Variants in KMT2C observed in about 807,000 individuals in gnomAD.
The protein encoded by KMT2C is histone-lysine N-methyltransferase 2C.
In KMT2C, 88 loss-of-function variants were observed where a neutral mutation model predicts 507.9. The observed-to-expected ratio is 0.17, with a 90% CI of 0.15 to 0.21. The LOEUF is 0.21. Among genes scored for constraint, KMT2C ranks in the 10% least tolerant of loss-of-function variants. The probability of loss-of-function intolerance (pLI) is 1.00; values close to 1 mark genes in which losing one functional copy is unlikely to be tolerated. For missense variants in KMT2C, 4,954 were observed against 5,957.8 expected (o/e 0.83, Z 5.55); for synonymous variants, 2,049 against 2,080.8 (o/e 0.98, Z 0.42).
rs752439124 is a variant in KMT2C at position 152,225,067 on chromosome 7, T to G, written c.2977-451A>C. ...AGTTCTTAGGGACATTTTATGATCTTAGAGGATTTCTATTTAGACTATGAA... is the reference window on the plus strand; with the variant it reads ...AGTTCTTAGGGACATTTTATGATCTGAGAGGATTTCTATTTAGACTATGAA... On this transcript the variant is annotated intron_variant, in intron 18 of 58. Coordinates refer to ENST00000262189, the MANE Select transcript of KMT2C (RefSeq NM_170606.3). Among the ~76,000 whole-genome samples, 227 of 152,210 alleles carry G rather than the reference T, an allele frequency of 1.5e-3. 1 individual carries two copies. The highest frequency in any genetic ancestry group is 2.9e-3 in the Non-Finnish European group (194 of 68,034).
At chr7:152,205,033 T>C (rs2129137121) in intron 25 of KMT2C, 73 bp downstream of exon 25, 1 of 950,156 alleles carries the variant, frequency 1.1e-6, no homozygotes, top group Non-Finnish European at 1.6e-6. Context: ...TTTAGGATAG[T>C]TTTTTCCAAT....
intron 23 of KMT2C, among the ~76,000 whole-genome samples, chr7:152,215,539 A>AAG (rs2094554581): frequency 6.7e-6 from 1 of 148,982 alleles, no homozygotes; most frequent in Admixed American, 6.7e-5. Flanking sequence ...AAAAAAAAAA[A>AAG]AGATTGAAAG....
At chr7:152,307,240 AGGAAGGAAGGAC>A (rs2096626129) in intron 6 of KMT2C, among the ~76,000 whole-genome samples, 1 of 127,682 alleles carries the variant, frequency 7.8e-6, no homozygotes, top group African/African-American at 3.8e-5. Context: ...GAAGGAAGGA[AGGAAGGAAGGAC>A]GGTAGGAAGG....
chr7:152,354,390 T>C (rs890313188), intron 2 of KMT2C, among the ~76,000 whole-genome samples: 4 of 152,220 alleles, frequency 2.6e-5, no homozygotes, highest in African/African-American at 4.8e-5. Context: ...ATTCCTCCTA[T>C]ATCCCTAGAA....
At chr7:152,250,040 A>G in intron 12 of KMT2C, 87 bp from the exon 13 acceptor site, 1 of 740,686 alleles carries the variant, frequency 1.4e-6, no homozygotes, top group Non-Finnish European at 2.4e-6. Context: ...AAAGAGTTTT[A>G]TTCTACTAAA....
chr7:152,377,381 C>T (rs115170425), intron 1 of KMT2C, among the ~76,000 whole-genome samples: 6 of 152,284 alleles, frequency 3.9e-5, no homozygotes, highest in Non-Finnish European at 7.4e-5. Flanking sequence ...CAGTACGATA[C>T]ATCTATCCTG....
intron 28 of KMT2C, chr7:152,195,653 T>C: frequency 3.3e-6 from 2 of 597,496 alleles, no homozygotes; most frequent in African/African-American, 2.0e-5. Context: ...AGAAAAAAGA[T>C]ACAGCAAGAC....
chr7:152,356,356 C>A (rs925567500), intron 2 of KMT2C, among the ~76,000 whole-genome samples: 2 of 151,942 alleles, frequency 1.3e-5, no homozygotes, highest in Non-Finnish European at 2.9e-5. Flanking sequence ...GGGCGGATCA[C>A]GTGAGATCAG....
At chr7:152,217,779 G>A (rs897173362) in intron 23 of KMT2C, among the ~76,000 whole-genome samples, 23 of 152,136 alleles carry the variant, frequency 1.5e-4, no homozygotes, top group African/African-American at 4.8e-4. Flanking sequence ...GTAGTCACAA[G>A]GAAAACCTTC....
At chr7:152,240,666 T>A (rs1400616175) in intron 14 of KMT2C, among the ~76,000 whole-genome samples, 1 of 152,280 alleles carries the variant, frequency 6.6e-6, no homozygotes, top group Non-Finnish European at 1.5e-5. Context: ...GTCTTCCCCA[T>A]CCTTATAAAT....
Position 152,156,039 on chromosome 7 carries a change from G to T in KMT2C, c.11831C>A (p.Pro3944His). 6.2e-7 allele frequency: 1 copy of T among 1,600,220 alleles called. No individual in the cohort carries two copies. The highest frequency in any genetic ancestry group is 8.5e-7 in the Non-Finnish European group (1 of 1,175,738). Reference sequence around the variant, plus strand: ...TCTGAAGGGCAGCTGAAATGGTTTAGGTCCTAGAGTTTTGGTAACTGGAAA... The same window carrying T: ...TCTGAAGGGCAGCTGAAATGGTTTATGTCCTAGAGTTTTGGTAACTGGAAA... ...VSHEVTKTLGPKPFQLPFRPQ... is the reference protein window; with the variant it reads ...VSHEVTKTLGHKPFQLPFRPQ... Residue 3944 changes from proline to histidine, a missense_variant, in exon 46 of 59, where the codon CCT (proline) becomes CAT (histidine). Pro to His is a moderately conservative substitution (Grantham distance 77). Around this residue, in one of 29 missense-constraint regions of KMT2C, gnomAD observed 104 missense variants for 134.3 expected, o/e 0.77. Transcript: ENST00000262189.
intron 3 of KMT2C, among the ~76,000 whole-genome samples, chr7:152,327,522 CCT>C (rs1275393188): frequency 6.6e-6 from 1 of 152,140 alleles, no homozygotes. Context: ...GCATTCTGTA[CCT>C]CTCAATACCA....
chr7:152,316,064 C>T (rs2096720046), intron 3 of KMT2C, among the ~76,000 whole-genome samples: 1 of 152,122 alleles, frequency 6.6e-6, no homozygotes, highest in African/African-American at 2.4e-5. Context: ...ATACCACACA[C>T]ATGCATACAC....
At chr7:152,307,951 CA>C (rs990317203) in intron 6 of KMT2C, among the ~76,000 whole-genome samples, 2 of 152,112 alleles carry the variant, frequency 1.3e-5, no homozygotes, top group African/African-American at 4.8e-5. Flanking sequence ...TTCACTGTCA[CA>C]AAATAGCCCA....
chr7:152,373,747 GAAAT>G (rs1298143269), intron 1 of KMT2C, among the ~76,000 whole-genome samples: 1 of 152,006 alleles, frequency 6.6e-6, no homozygotes, highest in Non-Finnish European at 1.5e-5. Context: ...GCATACAGTA[GAAAT>G]AATTATTCTA....
At chr7:152,172,611 G>A (rs2093016476) in intron 39 of KMT2C, among the ~76,000 whole-genome samples, 1 of 152,160 alleles carries the variant, frequency 6.6e-6, no homozygotes, top group South Asian at 2.1e-4. Flanking sequence ...CAGGAGAATC[G>A]CTTGAACCTT....
chr7:152,278,598 T>C (rs2096134725), intron 6 of KMT2C, among the ~76,000 whole-genome samples: 1 of 152,116 alleles, frequency 6.6e-6, no homozygotes, highest in African/African-American at 2.4e-5. Flanking sequence ...GGAGCAGCTA[T>C]ATATATGCAC....
chr7:152,158,005 C>T (rs1296201416), intron 44 of KMT2C: 1 of 1,015,688 alleles, frequency 9.8e-7, no homozygotes, highest in African/African-American at 1.7e-5. Flanking sequence ...CCCGAAGCAA[C>T]TTTGTTGAAT....
chr7:152,243,552 C>G (rs555345618), intron 14 of KMT2C, among the ~76,000 whole-genome samples: 1 of 152,014 alleles, frequency 6.6e-6, no homozygotes, highest in African/African-American at 2.4e-5. Flanking sequence ...GAGGACAAGG[C>G]GGGTGGATCA....
Sources: gnomAD v4.1 joint callset for allele counts (sites outside exome capture counted in the v4.1 genomes callset) on GRCh38, gnomAD v4.1.1 for gene constraint, gnomAD v4.1.1 regional missense constraint, MANE v1.5 for transcripts, NCBI Gene and HGNC (gene_info 2026-07-23, HGNC 2026-07-21) for gene names.